The following TAX1BP1 variants were observed in gnomAD, a reference collection of about 807,000 sequenced individuals.
TAX1BP1 encodes Tax1 binding protein 1.
A neutral mutation model predicts 97.7 loss-of-function variants in TAX1BP1; 62 were observed. That is an observed-to-expected ratio of 0.63 (90% CI 0.52 to 0.78). TAX1BP1 has a LOEUF of 0.78. Among genes scored for constraint, TAX1BP1 ranks in the 30% least tolerant of loss-of-function variants. The pLI is 0.00. For missense variants in TAX1BP1, 867 were observed against 916.1 expected, an observed-to-expected ratio of 0.95 and a Z score of 0.69; for synonymous variants, 340 against 304.2, an observed-to-expected ratio of 1.12 and a Z score of -1.23.
intron 11 of TAX1BP1, 34 bp from the exon 12 acceptor site, chr7:27,796,082 C>G: frequency 6.5e-7 from 1 of 1,537,036 alleles, no homozygotes; most frequent in Non-Finnish European, 8.9e-7. Context: ...GGGCAAAATA[C>G]TTTTTAACAG....
At chr7:27,823,313 T>C (rs1446103156) in intron 15 of TAX1BP1, among the ~76,000 whole-genome samples, 1 of 152,214 alleles carries the variant, frequency 6.6e-6, no homozygotes, top group Non-Finnish European at 1.5e-5. Flanking sequence ...CTCTTATGCA[T>C]TGATTTTGGC....
Position 27,794,324 on chromosome 7 carries a change from C to G in TAX1BP1, c.1412C>G (p.Ala471Gly). 1 of 1,607,264 alleles carries G rather than the reference C, an allele frequency of 6.2e-7. No homozygotes were observed. The highest frequency in any genetic ancestry group is 8.5e-7 in the Non-Finnish European group (1 of 1,175,952). The stretch of plus-strand genomic sequence containing the variant: ...ACAACTTATTAACATTTTGAATAGG[C>G]TAATAATAATAATGTCTTCACAAAG... ...KQINKLSDQSANNNNVFTKKT... is the reference protein window; with the variant it reads ...KQINKLSDQSGNNNNVFTKKT... The change falls in exon 11 of 17, where the codon GCT (alanine) becomes GGT (glycine). Residue 471 changes from alanine (A) to glycine (G), a missense_variant and splice_region_variant. This residue lies in a region of TAX1BP1 where 822 missense variants were observed against 851.4 expected (regional missense o/e 0.97). Coordinates refer to ENST00000396319, the MANE Select transcript of TAX1BP1 (RefSeq NM_006024.7).
chr7:27,803,207 G>T, intron 13 of TAX1BP1: 1 of 1,491,732 alleles, frequency 6.7e-7, no homozygotes, highest in Non-Finnish European at 9.0e-7. Flanking sequence ...TTAAACAAAT[G>T]TGTATCACAT....
intron 3 of TAX1BP1, among the ~76,000 whole-genome samples, chr7:27,763,591 A>T (rs754650364): frequency 6.6e-6 from 1 of 151,982 alleles, no homozygotes; most frequent in Non-Finnish European, 1.5e-5. Context: ...ACATGGTGAA[A>T]CCCCGTCTCC....
intron 15 of TAX1BP1, among the ~76,000 whole-genome samples, chr7:27,819,046 T>C (rs1296933543): frequency 1.3e-5 from 2 of 152,168 alleles, no homozygotes; most frequent in South Asian, 2.1e-4. Context: ...ATATAATAAG[T>C]TACTGGAAAT....
intron 13 of TAX1BP1, among the ~76,000 whole-genome samples, chr7:27,809,124 T>C (rs574525237): frequency 6.6e-6 from 1 of 151,728 alleles, no homozygotes; most frequent in African/African-American, 2.4e-5. Context: ...ATAGCATGTC[T>C]AATAATGACT....
In TAX1BP1 at chr7:27,784,756, C is replaced by T. The variant is rs551734568; in HGVS notation, c.613-407C>T. ...CTGTAGTCCCAGCACTTTTGGAGGC[C>T]GAGGCAGGAGGATTGTTTGAGCCCA... On this transcript the variant is annotated intron_variant, in intron 5 of 16. Coordinates refer to ENST00000396319, the MANE Select transcript of TAX1BP1 (RefSeq NM_006024.7). Among the ~76,000 whole-genome samples the T allele has an allele frequency of 5.9e-5, 9 of 151,666 alleles. No individual in the cohort carries two copies. In the East Asian group the frequency reaches 7.8e-4, roughly 13 times the overall value.
chr7:27,824,633 G>A (rs1242754020), intron 15 of TAX1BP1, among the ~76,000 whole-genome samples: 1 of 148,872 alleles, frequency 6.7e-6, no homozygotes, highest in Non-Finnish European at 1.5e-5. Context: ...GAATGTTTTT[G>A]TACAGAGTAT....
chr7:27,763,295 T>G (rs1440590296), intron 3 of TAX1BP1, among the ~76,000 whole-genome samples: 1 of 152,214 alleles, frequency 6.6e-6, no homozygotes. Flanking sequence ...AGGCACAGTC[T>G]GTAAAATTTG....
chr7:27,783,122 C>CCCCAATT (rs1789327713), intron 5 of TAX1BP1, among the ~76,000 whole-genome samples: 2 of 152,096 alleles, frequency 1.3e-5, no homozygotes, highest in African/African-American at 4.8e-5. Flanking sequence ...TCTCCCTTTG[C>CCCCAATT]CCCAATTTTT....
chr7:27,749,948 C>T (rs987768072), intron 2 of TAX1BP1, among the ~76,000 whole-genome samples: 7 of 151,988 alleles, frequency 4.6e-5, no homozygotes, highest in Non-Finnish European at 8.8e-5. Context: ...CAACACCACG[C>T]CTGGCTAATT....
chr7:27,815,161 T>C (rs1434366041), intron 13 of TAX1BP1, among the ~76,000 whole-genome samples: 2 of 152,218 alleles, frequency 1.3e-5, no homozygotes, highest in Admixed American at 1.3e-4. Context: ...ACTGGCTATT[T>C]TGAATGGAAG....
intron 12 of TAX1BP1, among the ~76,000 whole-genome samples, chr7:27,797,355 G>T (rs1287514606): frequency 6.6e-6 from 1 of 152,040 alleles, no homozygotes; most frequent in South Asian, 2.1e-4. Context: ...CCTTCTTGGT[G>T]TAGTATTCAG....
chr7:27,800,672 A>C (rs1790099403), intron 13 of TAX1BP1, among the ~76,000 whole-genome samples: 1 of 152,228 alleles, frequency 6.6e-6, no homozygotes, highest in Non-Finnish European at 1.5e-5. Context: ...GAGTTTTAAC[A>C]TTTATCACTA....
intron 15 of TAX1BP1, among the ~76,000 whole-genome samples, chr7:27,819,667 A>G (rs1790903371): frequency 6.6e-6 from 1 of 152,082 alleles, no homozygotes; most frequent in South Asian, 2.1e-4. Context: ...CTTGAAGGAT[A>G]TTTTCAGCTT....
chr7:27,787,420 A>G lies in TAX1BP1; in HGVS notation c.855A>G (p.Val285=), dbSNP rs370955901. The G allele has an allele frequency of 1.9e-6, 3 of 1,602,084 alleles. No individual in the cohort carries two copies. The highest frequency in any genetic ancestry group is 1.1e-5 in the South Asian group (1 of 88,260). ...GACATTTTCAAACACCATTACAGGTACATTTGAAGAATACAGAAATAGAAA... is the reference window on the plus strand; with the variant it reads ...GACATTTTCAAACACCATTACAGGTGCATTTGAAGAATACAGAAATAGAAA... ...TEKDEKELYK[V]HLKNTEIENT... Residue 285 remains valine, a splice_region_variant and synonymous_variant, in exon 8 of 17, where the codon GTA becomes GTG. Transcript: ENST00000396319.
intron 8 of TAX1BP1, among the ~76,000 whole-genome samples, chr7:27,788,477 A>G (rs1022506174): frequency 6.6e-6 from 1 of 152,050 alleles, no homozygotes; most frequent in African/African-American, 2.4e-5. Flanking sequence ...TTATGTTGGT[A>G]ATAATTAATG....
At chr7:27,810,832 GTTA>G (rs1790531867) in intron 13 of TAX1BP1, among the ~76,000 whole-genome samples, 1 of 151,990 alleles carries the variant, frequency 6.6e-6, no homozygotes, top group African/African-American at 2.4e-5. Context: ...CCTGAAATAC[GTTA>G]TTATTTCTCA....
At chr7:27,803,825 G>A (rs1043800730) in intron 13 of TAX1BP1, among the ~76,000 whole-genome samples, 1 of 152,136 alleles carries the variant, frequency 6.6e-6, no homozygotes, top group African/African-American at 2.4e-5. Context: ...GTTGCCTAAT[G>A]AAGTATGATG....
Sources: gnomAD v4.1 joint callset for allele counts (sites outside exome capture counted in the v4.1 genomes callset) on GRCh38, gnomAD v4.1.1 for gene constraint, gnomAD v4.1.1 regional missense constraint, MANE v1.5 for transcripts, NCBI Gene and HGNC (gene_info 2026-07-23, HGNC 2026-07-21) for gene names.